The following RGL1 variants were observed in gnomAD, a reference collection of about 807,000 sequenced individuals.
The protein encoded by RGL1 is ral guanine nucleotide dissociation stimulator-like 1.
RGL1 carries 24 observed loss-of-function variants against 95.2 expected under a neutral mutation model. That is an observed-to-expected ratio of 0.25 (90% confidence interval 0.18 to 0.35). RGL1 has a LOEUF of 0.35. Ranked by LOEUF, RGL1 falls within the 10% of genes least tolerant of loss-of-function variation. The pLI, the probability that RGL1 is intolerant of heterozygous loss-of-function variation, is 1.00. For missense variants in RGL1, 715 were observed against 936.3 expected, an observed-to-expected ratio of 0.76 and a Z score of 3.08; for synonymous variants, 329 against 344.9, an observed-to-expected ratio of 0.95 and a Z score of 0.51.
At chr1:183,893,197 G>C (rs1342969039) in intron 9 of RGL1, among the ~76,000 whole-genome samples, 1 of 152,182 alleles carries the variant, frequency 6.6e-6, no homozygotes, top group Non-Finnish European at 1.5e-5. Context: ...TGATCTTAAG[G>C]GGATTACAGT....
At chr1:183,843,045 A>G (rs1339865337) in intron 2 of RGL1, among the ~76,000 whole-genome samples, 2 of 152,206 alleles carry the variant, frequency 1.3e-5, no homozygotes, top group East Asian at 1.9e-4. Context: ...AATGTACTCT[A>G]TTTGAATGTT....
intron 2 of RGL1, among the ~76,000 whole-genome samples, chr1:183,838,074 C>T (rs907994495): frequency 2.6e-5 from 4 of 152,122 alleles, no homozygotes; most frequent in African/African-American, 9.7e-5. Context: ...TATTGGCATT[C>T]TGAGTTTCAA....
chr1:183,850,048 CTGTCTT>C (rs1465439687), intron 3 of RGL1, among the ~76,000 whole-genome samples: 1 of 152,164 alleles, frequency 6.6e-6, no homozygotes, highest in Non-Finnish European at 1.5e-5. Flanking sequence ...ACTTTTGAAA[CTGTCTT>C]TGCCATGACC....
chr1:183,829,298 T>C lies in RGL1; in HGVS notation c.139-18268T>C, dbSNP rs546369460. ...CTATGAAAAAAATAAAAAAATTAGC[T>C]GGGCACAATGGTGTATACCTGTAGT... On this transcript the variant is annotated intron_variant, in intron 2 of 17. Transcript: ENST00000360851. Among the ~76,000 whole-genome samples, 18 of 152,156 alleles carry C rather than the reference T, an allele frequency of 1.2e-4. 1 individual carries two copies. Among genetic ancestry groups the C allele is most frequent in the Admixed American group, 3.9e-4 (6 of 15,296 alleles).
intron 2 of RGL1, among the ~76,000 whole-genome samples, chr1:183,770,103 A>G (rs1228728602): frequency 6.6e-6 from 1 of 152,224 alleles, no homozygotes; most frequent in East Asian, 1.9e-4. Context: ...AGCCCCAAGC[A>G]TGTCCAGACT....
chr1:183,783,601 T>C (rs908564885), intron 2 of RGL1, among the ~76,000 whole-genome samples: 1 of 152,148 alleles, frequency 6.6e-6, no homozygotes, highest in East Asian at 1.9e-4. Flanking sequence ...TCTTTCCTGC[T>C]CCCCCTTTCT....
At chr1:183,665,263 C>G (rs1030202431) in intron 1 of RGL1, among the ~76,000 whole-genome samples, 5 of 152,016 alleles carry the variant, frequency 3.3e-5, no homozygotes, top group African/African-American at 1.2e-4. Context: ...ATGTGTAATT[C>G]TTTTTATATA....
intron 1 of RGL1, among the ~76,000 whole-genome samples, chr1:183,686,619 G>A (rs1653602926): frequency 6.6e-6 from 1 of 152,164 alleles, no homozygotes; most frequent in African/African-American, 2.4e-5. Context: ...GCATAGAAAG[G>A]TTGTAGAAAG....
intron 2 of RGL1, among the ~76,000 whole-genome samples, chr1:183,823,866 A>G (rs1025533007): frequency 1.3e-5 from 2 of 152,176 alleles, no homozygotes; most frequent in African/African-American, 4.8e-5. Flanking sequence ...AGCTTACTGC[A>G]GCCTCAAACT....
intron 1 of RGL1, among the ~76,000 whole-genome samples, chr1:183,676,725 GA>G (rs1194428786): frequency 7.1e-6 from 1 of 141,528 alleles, no homozygotes; most frequent in East Asian, 2.2e-4. Context: ...TCATAGTGAT[GA>G]AATACACAGC....
At chr1:183,774,722 CAT>C (rs1224957343) in intron 2 of RGL1, among the ~76,000 whole-genome samples, 2 of 151,908 alleles carry the variant, frequency 1.3e-5, no homozygotes, top group East Asian at 3.9e-4. Context: ...AGTACAGGCG[CAT>C]GCCACCATGC....
chr1:183,880,098 G>C (rs1484675571), intron 4 of RGL1, among the ~76,000 whole-genome samples: 1 of 152,212 alleles, frequency 6.6e-6, no homozygotes, highest in Admixed American at 6.5e-5. Flanking sequence ...GACATTTTCA[G>C]TGTTCATGCT....
intron 1 of RGL1, chr1:183,648,594 G>A: frequency 6.2e-7 from 1 of 1,614,156 alleles, no homozygotes; most frequent in South Asian, 1.1e-5. Flanking sequence ...GAGGTGTTTT[G>A]TTTGAGGAAA....
intron 2 of RGL1, among the ~76,000 whole-genome samples, chr1:183,816,385 A>G (rs1035180992): frequency 2.6e-5 from 4 of 152,194 alleles, no homozygotes; most frequent in African/African-American, 9.7e-5. Context: ...TTGCACCATC[A>G]GTTTCAAGTC....
chr1:183,895,737 A>G (rs1667655967), intron 9 of RGL1, among the ~76,000 whole-genome samples: 1 of 152,100 alleles, frequency 6.6e-6, no homozygotes, highest in East Asian at 1.9e-4. Flanking sequence ...AAAAACTGAA[A>G]CTGCTGGATG....
chr1:183,646,447 AT>A (rs1460506904), intron 1 of RGL1: 2 of 152,032 alleles, frequency 1.3e-5, no homozygotes, highest in Non-Finnish European at 2.9e-5. Flanking sequence ...AAAAAAATTA[AT>A]AGCAAGTTAC....
intron 1 of RGL1, among the ~76,000 whole-genome samples, chr1:183,730,333 C>T (rs1558176807): frequency 6.6e-6 from 1 of 152,012 alleles, no homozygotes. Flanking sequence ...GGGTTCCCTC[C>T]TAGAAGTCCC....
intron 7 of RGL1, among the ~76,000 whole-genome samples, chr1:183,887,907 C>A (rs971503312): frequency 2.0e-5 from 3 of 152,164 alleles, no homozygotes; most frequent in African/African-American, 7.2e-5. Context: ...GGTTGCAGGA[C>A]AAGCCAATTT....
At chr1:183,688,553 G>A (rs1308105570) in intron 1 of RGL1, among the ~76,000 whole-genome samples, 1 of 152,038 alleles carries the variant, frequency 6.6e-6, no homozygotes, top group African/African-American at 2.4e-5. Context: ...CAAGACTGAC[G>A]CCTCTGCAAC....
Sources: gnomAD v4.1 joint callset for allele counts (sites outside exome capture counted in the v4.1 genomes callset) on GRCh38, gnomAD v4.1.1 for gene constraint, MANE v1.5 for transcripts, NCBI Gene and HGNC (gene_info 2026-07-23, HGNC 2026-07-21) for gene names.